The following TBC1D4 variants were observed in gnomAD, a reference collection of about 807,000 sequenced individuals.
TBC1D4 encodes TBC (Tre-2, BUB2, CDC16) domain-containing protein.
TBC1D4 carries 121 observed loss-of-function variants against 142.5 expected under a neutral mutation model. The ratio of observed to expected loss-of-function variants is 0.85; its 90% CI spans 0.73 to 0.99. TBC1D4 has a LOEUF of 0.99. Among genes scored for constraint, TBC1D4 ranks in the 50% least tolerant of loss-of-function variants. The pLI, the probability that TBC1D4 is intolerant of heterozygous loss-of-function variation, is 0.00. For missense variants in TBC1D4, 1,475 were observed against 1,606.6 expected (o/e 0.92, Z 1.40); for synonymous variants, 630 against 628.2 (o/e 1.00, Z -0.04).
chr13:75,342,647 A>AT (rs1298286402), intron 5 of TBC1D4, among the ~76,000 whole-genome samples: 1 of 151,664 alleles, frequency 6.6e-6, no homozygotes, highest in East Asian at 1.9e-4. Context: ...TTGTTTTTAA[A>AT]TTTTTTTTTA....
chr13:75,342,392 GAAGA>G (rs1593759401), intron 5 of TBC1D4, among the ~76,000 whole-genome samples: 1 of 152,164 alleles, frequency 6.6e-6, no homozygotes, highest in Non-Finnish European at 1.5e-5. Context: ...GACATTTAAA[GAAGA>G]AAGAACAAGT....
chr13:75,351,514 A>G (rs966086893), intron 4 of TBC1D4, among the ~76,000 whole-genome samples: 1 of 151,706 alleles, frequency 6.6e-6, no homozygotes, highest in African/African-American at 2.4e-5. Context: ...GGTGTGCTGC[A>G]CCCATTAACT....
At position 75,359,134 on chromosome 13, in the gene TBC1D4, T is replaced by A. The variant is rs548629150; in HGVS notation, c.1170+635A>T. 1.1e-4 allele frequency among the ~76,000 whole-genome samples: 17 copies of A among 152,296 alleles called. No individual in the cohort carries two copies. The East Asian group carries it at 2.3e-3, about 21-fold the overall frequency. On this transcript the variant is annotated intron_variant, in intron 3 of 20. Transcript: ENST00000377636. ...GGAACCTCCTTAGAGGTGCATTTTT[T>A]AACCTCCCTACATTTACATTTAGAT...
intron 1 of TBC1D4, among the ~76,000 whole-genome samples, chr13:75,429,137 A>G (rs1258742861): frequency 6.6e-6 from 1 of 152,218 alleles, no homozygotes; most frequent in Non-Finnish European, 1.5e-5. Context: ...TAAAACCACC[A>G]AATGTATGTT....
chr13:75,321,796 T>A (rs1402474765), intron 11 of TBC1D4, among the ~76,000 whole-genome samples: 1 of 152,176 alleles, frequency 6.6e-6, no homozygotes, highest in African/African-American at 2.4e-5. Flanking sequence ...ATAACCCATA[T>A]GTCTACTCAC....
intron 1 of TBC1D4, among the ~76,000 whole-genome samples, chr13:75,407,923 G>A (rs1030416455): frequency 1.3e-5 from 2 of 151,852 alleles, no homozygotes; most frequent in East Asian, 1.9e-4. Context: ...GGAACGAGCC[G>A]GGAAATCTCA....
chr13:75,406,105 G>T (rs1885327702), intron 1 of TBC1D4, among the ~76,000 whole-genome samples: 1 of 152,172 alleles, frequency 6.6e-6, no homozygotes, highest in Non-Finnish European at 1.5e-5. Context: ...CAGCTGCAGT[G>T]TTTAAAAGCA....
At chr13:75,291,565 CTCACTGA>C (rs1260486059) in intron 19 of TBC1D4, among the ~76,000 whole-genome samples, 4 of 152,136 alleles carry the variant, frequency 2.6e-5, no homozygotes, top group Admixed American at 1.3e-4. Flanking sequence ...ACCAAGTCTC[CTCACTGA>C]AGCTTCATAA....
rs2137804114 is a variant in TBC1D4 at position 75,284,234 on chromosome 13, G to A, written c.*2558C>T. ...AGACTGGTGGCAGGGGATGGTTTCAGGATGATTCAATGATTCAAGCACATT... is the reference window on the plus strand; with the variant it reads ...AGACTGGTGGCAGGGGATGGTTTCAAGATGATTCAATGATTCAAGCACATT... On this transcript the variant is annotated 3_prime_UTR_variant, in exon 21 of 21. Transcript: ENST00000377636. 6.6e-6 allele frequency among the ~76,000 whole-genome samples: 1 copy of A among 152,150 alleles called. No homozygotes were observed.
At chr13:75,414,624 G>A (rs1352060718) in intron 1 of TBC1D4, among the ~76,000 whole-genome samples, 1 of 152,022 alleles carries the variant, frequency 6.6e-6, no homozygotes, top group African/African-American at 2.4e-5. Flanking sequence ...TGGTCTGTGT[G>A]GGTGTGGTCT....
chr13:75,394,218 CAG>C (rs1490285939), intron 1 of TBC1D4, among the ~76,000 whole-genome samples: 1 of 152,124 alleles, frequency 6.6e-6, no homozygotes, highest in East Asian at 1.9e-4. Flanking sequence ...CACTAGTAAA[CAG>C]AGCTGATATG....
intron 18 of TBC1D4, among the ~76,000 whole-genome samples, chr13:75,293,336 C>T (rs984838653): frequency 6.6e-6 from 1 of 152,112 alleles, no homozygotes; most frequent in Non-Finnish European, 1.5e-5. Flanking sequence ...CCATTTCCTG[C>T]CAGTCTCCAT....
At chr13:75,464,284 G>A (rs1343151796) in intron 1 of TBC1D4, among the ~76,000 whole-genome samples, 5 of 152,202 alleles carry the variant, frequency 3.3e-5, no homozygotes, top group East Asian at 3.8e-4. Flanking sequence ...TGACGCCCAC[G>A]CTGAAGGTTG....
At chr13:75,322,952 A>G (rs1878901983) in intron 11 of TBC1D4, among the ~76,000 whole-genome samples, 1 of 152,206 alleles carries the variant, frequency 6.6e-6, no homozygotes, top group Admixed American at 6.5e-5. Context: ...CTGTTGGAAC[A>G]TGACTTTGTA....
At chr13:75,361,141 G>T (rs9543908) in intron 2 of TBC1D4, among the ~76,000 whole-genome samples, 62,951 of 152,066 alleles carry the variant, frequency 0.41, 15,391 homozygotes, top group South Asian at 0.66. Flanking sequence ...AATTAAGAAT[G>T]ATCTTTTATA....
chr13:75,341,647 G>T, intron 5 of TBC1D4, 60 bp from the exon 6 acceptor site: 1 of 1,315,610 alleles, frequency 7.6e-7, no homozygotes, highest in Non-Finnish European at 1.1e-6. Flanking sequence ...TCCAGGGGCA[G>T]AGAATGCATT....
chr13:75,411,784 C>G (rs1280786634), intron 1 of TBC1D4, among the ~76,000 whole-genome samples: 1 of 152,028 alleles, frequency 6.6e-6, no homozygotes, highest in African/African-American at 2.4e-5. Flanking sequence ...GTGATCCACC[C>G]GCCTCGGCCT....
At chr13:75,339,920 T>C (rs1241800953) in intron 7 of TBC1D4, among the ~76,000 whole-genome samples, 1 of 152,228 alleles carries the variant, frequency 6.6e-6, no homozygotes, top group Non-Finnish European at 1.5e-5. Context: ...TTATCTCTCC[T>C]AAAATTCCAA....
intron 1 of TBC1D4, among the ~76,000 whole-genome samples, chr13:75,462,788 G>A (rs562383608): frequency 6.4e-4 from 97 of 151,898 alleles, no homozygotes; most frequent in Non-Finnish European, 1.3e-3. Context: ...TTGGAGCCAC[G>A]ACCCTCCTTG....
Sources: gnomAD v4.1 joint callset for allele counts (sites outside exome capture counted in the v4.1 genomes callset) on GRCh38, gnomAD v4.1.1 for gene constraint, MANE v1.5 for transcripts, NCBI Gene and HGNC (gene_info 2026-07-23, HGNC 2026-07-21) for gene names.